Variants in ABCC12 observed in about 807,000 individuals in gnomAD.
ABCC12 encodes the protein ATP-binding cassette sub-family C member 12.
Under a neutral mutation model 151.1 loss-of-function variants are expected in ABCC12, and 142 were observed. That is an observed-to-expected ratio of 0.94 (90% confidence interval 0.82 to 1.08). The LOEUF (loss-of-function observed/expected upper bound fraction) is 1.08, where lower values mean the gene tolerates loss of function less well. Among genes scored for constraint, ABCC12 ranks in the 50% least tolerant of loss-of-function variants. The pLI, the probability that ABCC12 is intolerant of heterozygous loss-of-function variation, is 0.00. For synonymous variants in ABCC12, 645 were observed against 646.4 expected (o/e 1.00, Z 0.03); for missense variants, 1,638 against 1,691.1 (o/e 0.97, Z 0.55).
intron 8 of ABCC12, among the ~76,000 whole-genome samples, chr16:48,137,609 A>G (rs535149210): frequency 6.6e-6 from 1 of 152,320 alleles, no homozygotes; most frequent in Admixed American, 6.5e-5. Context: ...CAAAAGTGTA[A>G]TTGTCCATCC....
chr16:48,104,309 A>G lies in ABCC12; in HGVS notation c.2733T>C (p.Arg911=). The change falls in exon 22 of 31, where the codon CGT becomes CGC. Residue 911 remains arginine (R), a synonymous_variant. Coordinates refer to ENST00000311303, the MANE Select transcript of ABCC12 (RefSeq NM_001393797.1). ...DTTPTGRLMN[R]FSKDMDELDV... ...CCAGCTCGTCCATATCCTTGGAAAA[A>G]CGGTTCATTAGCCTGCCAGTGGGAG... is the stretch of plus-strand genomic sequence containing the variant. The G allele has an allele frequency of 6.2e-7, 1 of 1,614,226 alleles. No individual in the cohort carries two copies. The highest frequency in any genetic ancestry group is 1.3e-5 in the African/African-American group (1 of 75,034).
intron 24 of ABCC12, 133 bp from the exon 25 acceptor site, chr16:48,091,342 G>T: frequency 1.3e-6 from 1 of 768,198 alleles, no homozygotes; most frequent in Non-Finnish European, 2.3e-6. Context: ...CAGGAGGCCT[G>T]CCTTCCCAGC....
At chr16:48,117,098 A>G (rs2150628093) in intron 14 of ABCC12, among the ~76,000 whole-genome samples, 163 bp downstream of exon 14, 1 of 152,350 alleles carries the variant, frequency 6.6e-6, no homozygotes, top group East Asian at 1.9e-4. Flanking sequence ...TCCAGCAAGT[A>G]TAGATCCAGA....
intron 26 of ABCC12, 32 bp downstream of exon 26, chr16:48,088,513 C>T: frequency 6.3e-7 from 1 of 1,598,646 alleles, no homozygotes; most frequent in South Asian, 1.1e-5. Context: ...AGAAAACAAC[C>T]CAAAAGAAAC....
intron 22 of ABCC12, among the ~76,000 whole-genome samples, chr16:48,103,532 C>T (rs972653043): frequency 6.6e-6 from 1 of 152,234 alleles, no homozygotes; most frequent in African/African-American, 2.4e-5. Context: ...TGCAGCACCT[C>T]TCTGACTTCT....
At chr16:48,114,520 C>T (rs571496099) in intron 15 of ABCC12, among the ~76,000 whole-genome samples, 39 of 152,228 alleles carry the variant, frequency 2.6e-4, no homozygotes, top group Middle Eastern at 6.8e-3. Flanking sequence ...GTAAAGAAGA[C>T]GGGACACTTG....
rs377482004 is a variant in ABCC12, at chr16:48,096,938, G to A, written c.3039-36C>T. 5.5e-5 allele frequency: 88 copies of A among 1,613,850 alleles called. No individual in the cohort carries two copies. The East Asian group carries it at 1.3e-3, about 23-fold the overall frequency. On this transcript the variant is annotated intron_variant, in intron 23 of 30. Transcript: ENST00000311303. ...CGTCGTTTAGCGTCTTAAACCTACAGTCAAGAAAATCAGAAAAAGCAGGAG... is the reference window on the plus strand; with the variant it reads ...CGTCGTTTAGCGTCTTAAACCTACAATCAAGAAAATCAGAAAAAGCAGGAG...
intron 14 of ABCC12, 56 bp from the exon 15 acceptor site, chr16:48,115,674 C>T (rs1223125414): frequency 2.7e-5 from 41 of 1,531,042 alleles, no homozygotes; most frequent in Non-Finnish European, 3.4e-5. Context: ...AGTTCTTGGG[C>T]AATGGAAGCT....
At position 48,105,734 on chromosome 16, in the gene ABCC12, C is replaced by T. The variant is rs115129904; in HGVS notation, c.2476-398G>A. On this transcript the variant is annotated intron_variant, in intron 20 of 30. Transcript: ENST00000311303. ...AGGAGTAACCCTCAGGCAACCCGGA[C>T]TGGATAGAGGATCAGGAACTGACCT... 1.6e-3 allele frequency among the ~76,000 whole-genome samples: 240 copies of T among 152,286 alleles called. 1 individual carries two copies. Among genetic ancestry groups the T allele is most frequent in the African/African-American group, 5.5e-3 (227 of 41,554 alleles).
Position 48,138,329 on chromosome 16 carries a change from A to C in ABCC12, c.878T>G (p.Leu293Trp), listed in dbSNP as rs781274703. ...LNSAFRRSAI[L>W]VTDKRVQTMN... ...TGTCTGAACTCGCTTGTCTGTCACC[A>C]AAATTGCTGACCTTCGGAAAGCTGA... Residue 293 changes from leucine to tryptophan, a missense_variant, in exon 8 of 31, where the codon TTG (leucine) becomes TGG (tryptophan). By Grantham distance (61) the Leu-to-Trp change is moderately conservative. Transcript: ENST00000311303. The C allele has an allele frequency of 1.1e-5, 17 of 1,613,758 alleles. No individual in the cohort carries two copies. In the South Asian group the frequency reaches 1.5e-4, roughly 15 times the overall value.
At chr16:48,104,032 C>T (rs1963394926) in intron 22 of ABCC12, 110 bp downstream of exon 22, 1 of 1,194,740 alleles carries the variant, frequency 8.4e-7, no homozygotes, top group Non-Finnish European at 1.2e-6. Context: ...CAAAAAAAAT[C>T]AATGGTAGAC....
chr16:48,150,227 G>A (rs1965098834), intron 2 of ABCC12, among the ~76,000 whole-genome samples: 1 of 152,128 alleles, frequency 6.6e-6, no homozygotes, highest in African/African-American at 2.4e-5. Context: ...CAACACTGAA[G>A]TTCAATCTAG....
chr16:48,092,178 C>T (rs1447833730), intron 24 of ABCC12, among the ~76,000 whole-genome samples: 1 of 152,246 alleles, frequency 6.6e-6, no homozygotes, highest in Admixed American at 6.5e-5. Context: ...GAAAACCTTT[C>T]TCTTGTTTGA....
intron 23 of ABCC12, among the ~76,000 whole-genome samples, chr16:48,098,090 GACACAC>G (rs66949388): frequency 0.03 from 3,644 of 121,934 alleles, 55 homozygotes; most frequent in Middle Eastern, 0.056. Flanking sequence ...TGCCCCACCT[GACACAC>G]ACACACACAC....
chr16:48,090,533 T>C (rs920546877), intron 25 of ABCC12, among the ~76,000 whole-genome samples: 9 of 151,378 alleles, frequency 5.9e-5, no homozygotes, highest in Non-Finnish European at 1.2e-4. Context: ...TGTGAGCCAC[T>C]GAGCCTGGCA....
At chr16:48,139,411 T>G in intron 6 of ABCC12, 75 bp from the exon 7 acceptor site, 2 of 1,468,518 alleles carry the variant, frequency 1.4e-6, no homozygotes, top group Non-Finnish European at 9.2e-7. Context: ...GCTTTCAGAT[T>G]GGCCGAGGGG....
chr16:48,129,327 C>T (rs760422467), intron 10 of ABCC12, among the ~76,000 whole-genome samples: 2 of 152,184 alleles, frequency 1.3e-5, no homozygotes, highest in Non-Finnish European at 2.9e-5. Flanking sequence ...GGACACTTGG[C>T]TCTCATTCTC....
At position 48,141,456 on chromosome 16, in the gene ABCC12, C is replaced by T; in HGVS notation, c.276-103G>A. The T allele has an allele frequency of 2.7e-6, 4 of 1,470,120 alleles. No homozygotes were observed. In the South Asian group the frequency reaches 3.8e-5, roughly 14 times the overall value. 91.1% of individuals were successfully genotyped at this position (1,470,120 alleles called of 1,614,324 possible). A position where few individuals can be genotyped will look rare whatever the true frequency, so the allele number is the denominator to read the frequency against. ...TTGCAAGGGTGCTCGGCAGAGCCCC[C>T]CTCCCTGGCAGTGGTGCCTTCCAGC... On this transcript the variant is annotated intron_variant, in intron 4 of 30. Transcript: ENST00000311303.
chr16:48,127,058 G>T (rs776062181), intron 11 of ABCC12, among the ~76,000 whole-genome samples: 5 of 152,186 alleles, frequency 3.3e-5, no homozygotes, highest in East Asian at 3.9e-4. Context: ...TGAAATCTGA[G>T]CTCAATTGCA....
Sources: gnomAD v4.1 joint callset for allele counts (sites outside exome capture counted in the v4.1 genomes callset) on GRCh38, gnomAD v4.1.1 for gene constraint, MANE v1.5 for transcripts, NCBI Gene and HGNC (gene_info 2026-07-23, HGNC 2026-07-21) for gene names.